Variants in SMARCAL1 observed in about 807,000 individuals in gnomAD.
SMARCAL1 encodes ATP-driven annealing helicase.
Under a neutral mutation model 94.5 loss-of-function variants are expected in SMARCAL1, and 58 were observed. The ratio of observed to expected loss-of-function variants is 0.61; its 90% confidence interval spans 0.50 to 0.76. SMARCAL1 has a LOEUF of 0.76. Ranked by LOEUF, SMARCAL1 falls within the 30% of genes least tolerant of loss-of-function variation. The pLI, the probability that SMARCAL1 is intolerant of heterozygous loss-of-function variation, is 0.00. For missense variants in SMARCAL1, 1,051 were observed against 1,177.9 expected, an observed-to-expected ratio of 0.89 and a Z score of 1.58; for synonymous variants, 422 against 455.1, an observed-to-expected ratio of 0.93 and a Z score of 0.93.
chr2:216,463,268 C>T (rs887619631), intron 12 of SMARCAL1, among the ~76,000 whole-genome samples: 1 of 152,146 alleles, frequency 6.6e-6, no homozygotes, highest in Non-Finnish European at 1.5e-5. Context: ...CTGTCTTGGT[C>T]CTTTTGTGCT....
chr2:216,438,043 A>G (rs1694115047), intron 9 of SMARCAL1, among the ~76,000 whole-genome samples: 1 of 152,208 alleles, frequency 6.6e-6, no homozygotes, highest in Non-Finnish European at 1.5e-5. Context: ...AGAGCTTTGC[A>G]CCAGTGCAGG....
At chr2:216,453,427 AT>A (rs1387399579) in intron 12 of SMARCAL1, among the ~76,000 whole-genome samples, 10 of 152,182 alleles carry the variant, frequency 6.6e-5, no homozygotes, top group Non-Finnish European at 1.2e-4. Context: ...TAGAAAACAG[AT>A]TTGTGTGTTT....
At chr2:216,449,064 G>C (rs1194503097) in intron 11 of SMARCAL1, among the ~76,000 whole-genome samples, 1 of 152,194 alleles carries the variant, frequency 6.6e-6, no homozygotes, top group Non-Finnish European at 1.5e-5. Flanking sequence ...CTGGCATCTA[G>C]TGAGGGCCTT....
chr2:216,440,166 T>C (rs531441761), intron 10 of SMARCAL1, among the ~76,000 whole-genome samples: 8 of 152,356 alleles, frequency 5.3e-5, no homozygotes, highest in Admixed American at 2.6e-4. Flanking sequence ...GACCCTTCTT[T>C]TGGGAGGCCT....
intron 17 of SMARCAL1, among the ~76,000 whole-genome samples, chr2:216,480,496 G>T (rs1000382841): frequency 2.6e-5 from 4 of 152,180 alleles, no homozygotes; most frequent in Non-Finnish European, 5.9e-5. Flanking sequence ...GCGTTTCCTT[G>T]ACATTGCAGT....
chr2:216,451,249 C>T, intron 12 of SMARCAL1, 185 bp downstream of exon 12: 1 of 634,234 alleles, frequency 1.6e-6, no homozygotes, highest in Non-Finnish European at 2.9e-6. Context: ...TGAAAAATCT[C>T]ATATTAAGTT....
At chr2:216,435,532 T>C (rs955712662) in intron 9 of SMARCAL1, 36 bp downstream of exon 9, 1 of 1,583,486 alleles carries the variant, frequency 6.3e-7, no homozygotes, top group East Asian at 2.2e-5. Flanking sequence ...GTACTTTATC[T>C]CTCTGGAAAC....
At chr2:216,419,680 C>T (rs1693672059) in intron 4 of SMARCAL1, among the ~76,000 whole-genome samples, 1 of 152,124 alleles carries the variant, frequency 6.6e-6, no homozygotes, top group Non-Finnish European at 1.5e-5. Flanking sequence ...TTTATTCATC[C>T]TGGCGAGCTT....
rs71054476 is a variant in SMARCAL1 at position 216,461,055 on chromosome 2, G to GGTGTGT, written c.2071-3511_2071-3506dup. Among the ~76,000 whole-genome samples, 539 of 146,340 alleles carry GGTGTGT rather than the reference G, an allele frequency of 3.7e-3. 1 individual carries two copies. Among genetic ancestry groups the GGTGTGT allele is most frequent in the East Asian group, 0.019 (92 of 4,968 alleles). ...TTATATTGATGTAAAACTAGAAAGA[G>GGTGTGT]GTGTGTGTGTGTGTGTGTGTGTGTG... On this transcript the variant is annotated intron_variant, in intron 12 of 17. Coordinates refer to ENST00000357276, the MANE Select transcript of SMARCAL1 (RefSeq NM_014140.4).
chr2:216,428,701 C>G lies in SMARCAL1; in HGVS notation c.1253C>G (p.Pro418Arg). Residue 418 changes from proline (P) to arginine (R), a missense_variant, in exon 7 of 18, where the codon CCA becomes CGA. Around this residue, in one of 3 missense-constraint regions of SMARCAL1, gnomAD observed 642 missense variants for 754.7 expected, o/e 0.85. Transcript: ENST00000357276. ...QLKKTSLSLT[P>R]DVPEADLSEV... ...AAGAAGACATCTCTCAGTCTCACGC[C>G]AGATGTCCCAGAGGCAGACCTTTCT... is the stretch of plus-strand genomic sequence containing the variant. The G allele has an allele frequency of 1.9e-6, 3 of 1,614,176 alleles. No homozygotes were observed. The highest frequency in any genetic ancestry group is 2.5e-6 in the Non-Finnish European group (3 of 1,180,012).
chr2:216,454,293 T>A (rs1694510689), intron 12 of SMARCAL1, among the ~76,000 whole-genome samples: 1 of 152,226 alleles, frequency 6.6e-6, no homozygotes, highest in Admixed American at 6.5e-5. Flanking sequence ...AAGCTGAAAC[T>A]ATTGATTTCT....
intron 13 of SMARCAL1, among the ~76,000 whole-genome samples, chr2:216,466,356 A>T (rs182681595): frequency 1.1e-3 from 173 of 152,314 alleles, no homozygotes; most frequent in African/African-American, 4.0e-3. Flanking sequence ...CTCATTTCAC[A>T]TTTACAGCAT....
chr2:216,415,585 T>C lies in SMARCAL1; in HGVS notation c.811+70T>C, dbSNP rs146316650. ...TTTGGAGTCTCTTTTAATCTAACAG[T>C]TTCTCATAAATATTAAGAGAGTGCA... On this transcript the variant is annotated intron_variant, in intron 3 of 17. Coordinates refer to ENST00000357276, the MANE Select transcript of SMARCAL1 (RefSeq NM_014140.4). 9.5e-6 allele frequency: 13 copies of C among 1,375,048 alleles called. 1 individual carries two copies. In the African/African-American group the frequency reaches 1.9e-4, roughly 20 times the overall value. The allele number at this position is 1,375,048 out of a possible 1,614,324, so 85.2% of individuals were successfully genotyped here.
chr2:216,454,220 G>A (rs1407182374), intron 12 of SMARCAL1, among the ~76,000 whole-genome samples: 1 of 152,214 alleles, frequency 6.6e-6, no homozygotes, highest in African/African-American at 2.4e-5. Context: ...CCAGTAGCTG[G>A]CAAAAGAAGT....
chr2:216,428,572 A>T (rs748392831), intron 6 of SMARCAL1, 24 bp from the exon 7 acceptor site: 3 of 1,611,810 alleles, frequency 1.9e-6, no homozygotes, highest in Admixed American at 3.3e-5. Context: ...ACTCCAGCTC[A>T]TATGCTTCTG....
chr2:216,467,902 G>T, intron 13 of SMARCAL1, 42 bp from the exon 14 acceptor site: 2 of 1,126,306 alleles, frequency 1.8e-6, no homozygotes, highest in South Asian at 2.5e-5. Flanking sequence ...AAAACATAAG[G>T]AGTATATGTT....
chr2:216,432,992 G>A, intron 8 of SMARCAL1, 124 bp downstream of exon 8: 1 of 1,280,334 alleles, frequency 7.8e-7, no homozygotes. Flanking sequence ...AAAGGCAAAG[G>A]CAGGAAGAGA....
intron 4 of SMARCAL1, among the ~76,000 whole-genome samples, chr2:216,418,528 C>A (rs948589675): frequency 6.6e-6 from 1 of 152,026 alleles, no homozygotes; most frequent in African/African-American, 2.4e-5. Context: ...ATTGGTATAA[C>A]ATATAAAATT....
chr2:216,444,054 C>T (rs773063653), intron 10 of SMARCAL1, among the ~76,000 whole-genome samples: 1 of 152,208 alleles, frequency 6.6e-6, no homozygotes, highest in East Asian at 1.9e-4. Flanking sequence ...TCAAGCTATG[C>T]TTGCCACTAT....
Sources: allele counts gnomAD v4.1 joint callset (sites outside exome capture counted in the v4.1 genomes callset), GRCh38; gene constraint gnomAD v4.1.1; regional missense constraint gnomAD v4.1.1; transcripts MANE v1.5; gene names NCBI Gene and HGNC (gene_info 2026-07-23, HGNC 2026-07-21).